ZNF324B: variants seen among roughly 807,000 people sequenced by gnomAD.
ZNF324B encodes zinc finger protein 324B.
In ZNF324B, 7 loss-of-function variants were observed where a neutral mutation model predicts 10.6. The ratio of observed to expected loss-of-function variants is 0.66; its 90% CI spans 0.38 to 1.24. The LOEUF is 1.24. ZNF324B is among the 50% of genes most tolerant of loss of function. The pLI, the probability that ZNF324B is intolerant of heterozygous loss-of-function variation, is 0.02. For missense variants in ZNF324B, 640 were observed against 764.7 expected, an observed-to-expected ratio of 0.84 and a Z score of 1.92; for synonymous variants, 316 against 321.0, an observed-to-expected ratio of 0.98 and a Z score of 0.17.
At chr19:58,425,460 C>T in the ZNF324B span, among the ~76,000 whole-genome samples, 1 of 149,844 alleles carries the variant, frequency 6.7e-6, no homozygotes, top group Non-Finnish European at 1.5e-5. Context: ...TTCTTCCTTC[C>T]TTCCTTCTTT....
At chr19:58,452,777 T>C (rs2052873165) in intron 1 of ZNF324B, 2 of 481,950 alleles carry the variant, frequency 4.1e-6, no homozygotes, top group South Asian at 8.8e-5. Context: ...GAGTTACAGC[T>C]TGAGGGTAAA....
At chr19:58,427,176 G>C in the ZNF324B span, among the ~76,000 whole-genome samples, 1 of 151,618 alleles carries the variant, frequency 6.6e-6, no homozygotes, top group East Asian at 1.9e-4. Context: ...TGTTGCCCAG[G>C]CTGGAGTGCA....
chr19:58,437,241 A>AAAT, the ZNF324B span: 1 of 1,566,288 alleles, frequency 6.4e-7, no homozygotes, highest in Non-Finnish European at 8.6e-7. Context: ...ACAATTGGTC[A>AAAT]AATGGAAATA....
Position 58,452,104 on chromosome 19 carries a change from G to C in ZNF324B, c.-7+400G>C, listed in dbSNP as rs180950576. The C allele has an allele frequency of 2.2e-4, 39 of 174,088 alleles. No individual in the cohort carries two copies. The East Asian group carries it at 7.0e-3, about 31-fold the overall frequency. 10.8% of individuals were successfully genotyped at this position (174,088 alleles called of 1,614,324 possible). A position where few individuals can be genotyped will look rare whatever the true frequency, so the allele number is the denominator to read the frequency against. On this transcript the variant is annotated intron_variant, in intron 1 of 3. Transcript: ENST00000336614. ...TCCCTGCCCTGGGGGGGTTGCGGGG[G>C]TCAGTGCAAACTCCTGCGTCCAGGG...
the ZNF324B span, chr19:58,442,179 T>TTTTTTTTTA: frequency 5.2e-5 from 7 of 135,278 alleles, no homozygotes; most frequent in East Asian, 2.3e-4. Context: ...TTTTTTTTTT[T>TTTTTTTTTA]GAGACGGAGT....
At chr19:58,437,245 G>A in the ZNF324B span, 1 of 1,563,948 alleles carries the variant, frequency 6.4e-7, no homozygotes, top group Non-Finnish European at 8.6e-7. Flanking sequence ...TTGGTCAAAT[G>A]GAAATATGCA....
At chr19:58,454,096 C>T (rs1027913388) in intron 2 of ZNF324B, 132 bp from the exon 3 acceptor site, 6 of 715,746 alleles carry the variant, frequency 8.4e-6, no homozygotes, top group Admixed American at 4.7e-5. Context: ...GAGCCCCTTG[C>T]CCTGTGCTAT....
At chr19:58,440,861 C>G in the ZNF324B span, 1 of 152,402 alleles carries the variant, frequency 6.6e-6, no homozygotes, top group East Asian at 1.9e-4. Flanking sequence ...AGTGTGCGCC[C>G]GGCTGTAGGC....
chr19:58,427,381 T>TCTCTTTC, the ZNF324B span, among the ~76,000 whole-genome samples: 5 of 52,410 alleles, frequency 9.5e-5, no homozygotes, highest in African/African-American at 3.2e-4. Flanking sequence ...TTTCTTTCTT[T>TCTCTTTC]CTTTCTTTCT....
the ZNF324B span, among the ~76,000 whole-genome samples, chr19:58,419,785 G>A: frequency 3.9e-5 from 6 of 152,120 alleles, no homozygotes; most frequent in African/African-American, 1.2e-4. Context: ...AGAGAGACAC[G>A]TAGGGTAACC....
chr19:58,449,775 T>A (rs2052842781), upstream of ZNF324B, among the ~76,000 whole-genome samples: 1 of 152,194 alleles, frequency 6.6e-6, no homozygotes, highest in South Asian at 2.1e-4. Context: ...ATCTAGGAAG[T>A]GACTAACTTG....
the ZNF324B span, among the ~76,000 whole-genome samples, chr19:58,427,373 T>TCTCTTTC: frequency 1.8e-4 from 7 of 38,440 alleles, no homozygotes; most frequent in Admixed American, 1.1e-3. Context: ...TTTCTTTCTT[T>TCTCTTTC]CTTTCTTTCT....
At chr19:58,432,327 G>A in the ZNF324B span, 4 of 517,840 alleles carry the variant, frequency 7.7e-6, no homozygotes, top group Admixed American at 7.8e-5. Flanking sequence ...ACTTTAACAT[G>A]GCAAATACAA....
At chr19:58,434,151 A>G in the ZNF324B span, 2 of 1,613,534 alleles carry the variant, frequency 1.2e-6, no homozygotes, top group Middle Eastern at 1.7e-4. Flanking sequence ...CACTGCATTC[A>G]TACGGTCTTT....
the ZNF324B span, chr19:58,435,005 A>G: frequency 6.2e-7 from 1 of 1,614,092 alleles, no homozygotes; most frequent in Non-Finnish European, 8.5e-7. Flanking sequence ...TCTCTCCCAC[A>G]TGCTCCACAT....
the ZNF324B span, chr19:58,439,806 G>A: frequency 1.3e-6 from 2 of 1,544,782 alleles, no homozygotes; most frequent in Non-Finnish European, 1.7e-6. Flanking sequence ...AGAACCTGTG[G>A]GCTGGGCAGG....
chr19:58,449,210 T>A (rs1179831669), upstream of ZNF324B, among the ~76,000 whole-genome samples: 1 of 152,186 alleles, frequency 6.6e-6, no homozygotes, highest in East Asian at 1.9e-4. Flanking sequence ...AGCCTGTGGG[T>A]GCACAGAACT....
chr19:58,450,159 G>T (rs1012980054), upstream of ZNF324B, among the ~76,000 whole-genome samples: 1 of 152,048 alleles, frequency 6.6e-6, no homozygotes, highest in African/African-American at 2.4e-5. Context: ...ACTCTCATTT[G>T]CTCTTGCCTG....
chr19:58,432,334 A>G, the ZNF324B span: 1 of 517,682 alleles, frequency 1.9e-6, no homozygotes, highest in Middle Eastern at 3.2e-4. Flanking sequence ...CATGGCAAAT[A>G]CAAAGGTCTG....
Sources: gnomAD v4.1 joint callset for allele counts (sites outside exome capture counted in the v4.1 genomes callset) on GRCh38, gnomAD v4.1.1 for gene constraint, MANE v1.5 for transcripts, NCBI Gene and HGNC (gene_info 2026-07-23, HGNC 2026-07-21) for gene names.